BMP8B: variants seen among roughly 807,000 people sequenced by gnomAD.
BMP8B encodes bone morphogenetic protein 8b.
Under a neutral mutation model 30.3 loss-of-function variants are expected in BMP8B, and 17 were observed. The observed-to-expected ratio is 0.56, with a 90% confidence interval of 0.38 to 0.84. BMP8B has a LOEUF of 0.84. Ranked by LOEUF, BMP8B falls within the 40% of genes least tolerant of loss-of-function variation. BMP8B has a pLI of 0.00. For missense variants in BMP8B, 253 were observed against 494.6 expected (o/e 0.51, Z 4.63); for synonymous variants, 131 against 214.7 (o/e 0.61, Z 3.41).
intron 3 of BMP8B, chr1:39,770,841 C>G: frequency 1.3e-6 from 1 of 786,772 alleles, no homozygotes; most frequent in Non-Finnish European, 1.9e-6. Context: ...GCCAGGGTGC[C>G]CTGGGGCGTG....
At chr1:39,763,902 T>C (rs1438854828) in intron 4 of BMP8B, 111 bp from the exon 5 acceptor site, 14 of 1,270,006 alleles carry the variant, frequency 1.1e-5, no homozygotes, top group African/African-American at 1.6e-5. Flanking sequence ...AATAAATGAA[T>C]GACAGGAAAC....
At chr1:39,770,460 C>G (rs1649879359) in intron 3 of BMP8B, 7 of 1,609,878 alleles carry the variant, frequency 4.3e-6, no homozygotes, top group Non-Finnish European at 5.9e-6. Flanking sequence ...ACGCGATCTA[C>G]ATAAATGTTA....
chr1:39,761,120 A>T (rs126819), intron 6 of BMP8B: 6,213 of 155,104 alleles, frequency 0.04, 390 homozygotes, highest in African/African-American at 0.14. Context: ...TCCACTCCCC[A>T]GGCTCAGCTT....
rs764664008 is a variant in BMP8B at position 39,770,631 on chromosome 1, G to C, written c.673+3677C>G. 8 of 1,562,158 alleles carry C rather than the reference G, an allele frequency of 5.1e-6. No individual in the cohort carries two copies. In the African/African-American group the frequency reaches 1.2e-4, roughly 24 times the overall value. The stretch of plus-strand genomic sequence containing the variant: ...CGGTCGGCCTTCCACCCTTTCACCA[G>C]GGCGAAGTCTGCCCGGATGGCGCGC... On this transcript the variant is annotated intron_variant, in intron 3 of 6. Coordinates refer to ENST00000372827, the MANE Select transcript of BMP8B (RefSeq NM_001720.5).
At chr1:39,763,999 T>A in intron 4 of BMP8B, 1 of 617,074 alleles carries the variant, frequency 1.6e-6, no homozygotes, top group South Asian at 2.1e-5. Context: ...ATGGCTAGAG[T>A]GACACTGTGC....
At chr1:39,783,807 G>A (rs1172984721) in intron 1 of BMP8B, among the ~76,000 whole-genome samples, 3 of 152,230 alleles carry the variant, frequency 2.0e-5, no homozygotes, top group African/African-American at 7.2e-5. Flanking sequence ...CCATTCAGGA[G>A]GCTGAGGTGA....
At chr1:39,780,462 G>A (rs1275944423) in intron 1 of BMP8B, among the ~76,000 whole-genome samples, 1 of 152,202 alleles carries the variant, frequency 6.6e-6, no homozygotes, top group African/African-American at 2.4e-5. Context: ...ACCAAGCGGT[G>A]CAGTTGACTA....
chr1:39,782,800 C>G (rs1210571669), intron 1 of BMP8B, among the ~76,000 whole-genome samples: 1 of 151,944 alleles, frequency 6.6e-6, no homozygotes, highest in Non-Finnish European at 1.5e-5. Flanking sequence ...GTGCCTTAAC[C>G]TATTTAATCA....
intron 1 of BMP8B, among the ~76,000 whole-genome samples, chr1:39,775,714 G>A (rs1219169654): frequency 6.6e-6 from 1 of 152,258 alleles, no homozygotes; most frequent in Non-Finnish European, 1.5e-5. Flanking sequence ...ACAGCAGAGG[G>A]CAGGAGACCC....
At chr1:39,780,503 A>C (rs1043571638) in intron 1 of BMP8B, among the ~76,000 whole-genome samples, 22 of 152,190 alleles carry the variant, frequency 1.4e-4, no homozygotes, top group African/African-American at 5.3e-4. Flanking sequence ...CAGGCTGGGG[A>C]AACGTGAATT....
chr1:39,775,418 C>G (rs764609031), intron 1 of BMP8B, among the ~76,000 whole-genome samples: 2 of 152,140 alleles, frequency 1.3e-5, no homozygotes, highest in South Asian at 2.1e-4. Flanking sequence ...GACATTGGAC[C>G]CAAGGCAGAA....
intron 1 of BMP8B, among the ~76,000 whole-genome samples, chr1:39,786,592 C>T (rs898039357): frequency 7.2e-5 from 11 of 152,286 alleles, no homozygotes; most frequent in South Asian, 4.1e-4. Context: ...TGGGTGGTGA[C>T]GCATTCTGAT....
intron 1 of BMP8B, among the ~76,000 whole-genome samples, chr1:39,775,498 G>C (rs1650162007): frequency 6.6e-6 from 1 of 152,200 alleles, no homozygotes; most frequent in South Asian, 2.1e-4. Flanking sequence ...GCATCTCAGG[G>C]GACACAAGGC....
At chr1:39,778,593 G>T (rs1650398677) in intron 1 of BMP8B, among the ~76,000 whole-genome samples, 1 of 151,984 alleles carries the variant, frequency 6.6e-6, no homozygotes, top group African/African-American at 2.4e-5. Context: ...TTGCTTCAAG[G>T]GCTGTTTCCA....
chr1:39,763,701 T>A lies in BMP8B; in HGVS notation c.948+11A>T, dbSNP rs148539665. ...ATTGTCATTTCAGAAACAAGAAGAG[T>A]CAGCAATTACCAGCCAGCCGAGGTC... On this transcript the variant is annotated intron_variant, in intron 5 of 6. Coordinates refer to ENST00000372827, the MANE Select transcript of BMP8B (RefSeq NM_001720.5). 3 of 1,593,858 alleles carry A rather than the reference T, an allele frequency of 1.9e-6. No homozygotes were observed. The highest frequency in any genetic ancestry group is 1.8e-4 in the Middle Eastern group (1 of 5,524).
rs758750458 is a variant in BMP8B, at chr1:39,760,472, CATT to C, written c.1153_1155del (p.Asn385del). Reference sequence around the variant, plus strand: ...ATGTTGCGGTGCTTGCGCAGGATGACATTGTTGCTGCTGTCATAGTAGAGCACA... The same window carrying C: ...ATGTTGCGGTGCTTGCGCAGGATGACGTTGCTGCTGTCATAGTAGAGCACA... On this transcript the variant is annotated inframe_deletion, in exon 7 of 7. Transcript: ENST00000372827. The C allele has an allele frequency of 3.6e-5, 58 of 1,614,066 alleles. No homozygotes were observed. The highest frequency in any genetic ancestry group is 1.1e-4 in the East Asian group (5 of 44,882).
intron 4 of BMP8B, among the ~76,000 whole-genome samples, chr1:39,764,283 G>A (rs1263860446): frequency 2.6e-5 from 4 of 151,692 alleles, no homozygotes; most frequent in African/African-American, 9.7e-5. Context: ...ATAAGCAACC[G>A]AGGATCCCAC....
At chr1:39,783,391 T>C (rs1265778087) in intron 1 of BMP8B, among the ~76,000 whole-genome samples, 1 of 152,114 alleles carries the variant, frequency 6.6e-6, no homozygotes, top group East Asian at 1.9e-4. Flanking sequence ...ACTGCGGAAA[T>C]GGGTAGGACC....
chr1:39,787,533 C>T (rs1247479438), intron 1 of BMP8B, among the ~76,000 whole-genome samples: 1 of 152,172 alleles, frequency 6.6e-6, no homozygotes, highest in Non-Finnish European at 1.5e-5. Flanking sequence ...CTGGACCATT[C>T]CACAGGACTG....
Sources: allele counts gnomAD v4.1 joint callset (sites outside exome capture counted in the v4.1 genomes callset), GRCh38; gene constraint gnomAD v4.1.1; transcripts MANE v1.5; gene names NCBI Gene and HGNC (gene_info 2026-07-23, HGNC 2026-07-21).